The following SERPINE2 variants were observed in gnomAD, a reference collection of about 807,000 sequenced individuals.
SERPINE2 encodes glia-derived nexin.
Under a neutral mutation model 36.3 loss-of-function variants are expected in SERPINE2, and 14 were observed. The observed-to-expected ratio is 0.39, with a 90% CI of 0.25 to 0.60. The LOEUF (loss-of-function observed/expected upper bound fraction) is 0.60. Ranked by LOEUF, SERPINE2 falls within the 20% of genes least tolerant of loss-of-function variation. The pLI is 0.57. For missense variants in SERPINE2, 418 were observed against 499.6 expected (o/e 0.84, Z 1.56); for synonymous variants, 192 against 191.8 (o/e 1.00, Z -0.01).
intron 1 of SERPINE2, chr2:224,030,057 G>C (rs759667114): frequency 6.1e-5 from 60 of 985,288 alleles, no homozygotes; most frequent in African/African-American, 5.8e-4. Flanking sequence ...AAAGCAGCCA[G>C]CATGACAGGG....
chr2:224,021,085 G>A (rs1691982167), intron 1 of SERPINE2, among the ~76,000 whole-genome samples: 1 of 152,186 alleles, frequency 6.6e-6, no homozygotes, highest in Non-Finnish European at 1.5e-5. Context: ...AGGAAAAAGA[G>A]ACCATGGATA....
Position 223,994,437 on chromosome 2 carries a change from G to A in SERPINE2, c.488-2437C>T, listed in dbSNP as rs377704690. Among the ~76,000 whole-genome samples, 14 of 152,282 alleles carry A rather than the reference G, an allele frequency of 9.2e-5. No individual in the cohort carries two copies. In the East Asian group the frequency reaches 2.7e-3, roughly 29 times the overall value. ...GAGGCAAAGAGGCACATGGAAACCTGCCATCAGTAACTGCCACAGACATGC... is the reference window on the plus strand; with the variant it reads ...GAGGCAAAGAGGCACATGGAAACCTACCATCAGTAACTGCCACAGACATGC... On this transcript the variant is annotated intron_variant, in intron 3 of 8. Coordinates refer to ENST00000409304, the MANE Select transcript of SERPINE2 (RefSeq NM_001136528.2).
intron 1 of SERPINE2, among the ~76,000 whole-genome samples, chr2:224,008,781 G>C (rs1691515566): frequency 6.6e-6 from 1 of 152,188 alleles, no homozygotes; most frequent in Non-Finnish European, 1.5e-5. Context: ...GAAATGCTGA[G>C]CAACAGTGAT....
At chr2:224,015,352 A>AGGGC (rs1189051493) in intron 1 of SERPINE2, among the ~76,000 whole-genome samples, 47 of 152,316 alleles carry the variant, frequency 3.1e-4, no homozygotes, top group African/African-American at 1.1e-3. Flanking sequence ...GTGGCCAGGG[A>AGGGC]AGTGCTCCTG....
chr2:224,026,889 G>A (rs535935569), intron 1 of SERPINE2, among the ~76,000 whole-genome samples: 1 of 152,274 alleles, frequency 6.6e-6, no homozygotes, highest in African/African-American at 2.4e-5. Flanking sequence ...CTCTGTGAAG[G>A]AGTTACCTGT....
In SERPINE2 at chr2:224,019,376, A is replaced by G. The variant is rs1459987289; in HGVS notation, c.-22-17454T>C. Reference sequence around the variant, plus strand: ...ATGTACCAATTTTCAGACTGCAGGTAACTTAGGCCACCAATAAGGTGGAGA... The same window carrying G: ...ATGTACCAATTTTCAGACTGCAGGTGACTTAGGCCACCAATAAGGTGGAGA... On this transcript the variant is annotated intron_variant, in intron 1 of 8. Transcript: ENST00000409304. 2.6e-5 allele frequency among the ~76,000 whole-genome samples: 4 copies of G among 152,212 alleles called. No individual in the cohort carries two copies. In the East Asian group the frequency reaches 7.7e-4, roughly 29 times the overall value.
rs1691871319 is a variant in SERPINE2, at chr2:224,018,380, A to C, written c.-22-16458T>G. Among the ~76,000 whole-genome samples, 2 of 152,214 alleles carry C rather than the reference A, an allele frequency of 1.3e-5. 1 individual carries two copies. The highest frequency in any genetic ancestry group is 4.8e-5 in the African/African-American group (2 of 41,460). On this transcript the variant is annotated intron_variant, in intron 1 of 8. Coordinates refer to ENST00000409304, the MANE Select transcript of SERPINE2 (RefSeq NM_001136528.2). Reference sequence around the variant, plus strand: ...AGTGGTCAACACATTCCATGATAGAAGTCTAGAGTTTAGGCCAACTCTCAT... The same window carrying C: ...AGTGGTCAACACATTCCATGATAGACGTCTAGAGTTTAGGCCAACTCTCAT...
rs375575580 is a variant in SERPINE2, at chr2:224,001,455, C to T, written c.259+187G>A. The T allele has an allele frequency of 5.7e-5, 34 of 597,136 alleles. No individual in the cohort carries two copies. In the South Asian group the frequency reaches 7.4e-4, roughly 13 times the overall value. The allele number at this position is 597,136 out of a possible 1,614,324, so 37.0% of individuals were successfully genotyped here. ...ACAAAAAAGGGACCAGAGTCTAGTT[C>T]TCCTAACTGCCAGCACCACAGTGTT... On this transcript the variant is annotated intron_variant, in intron 2 of 8. Coordinates refer to ENST00000409304, the MANE Select transcript of SERPINE2 (RefSeq NM_001136528.2).
chr2:223,993,388 T>TTA (rs1690748269), intron 3 of SERPINE2, among the ~76,000 whole-genome samples: 1 of 152,200 alleles, frequency 6.6e-6, no homozygotes. Flanking sequence ...TATACAGTTA[T>TTA]TATACAGTTA....
At chr2:224,009,892 G>C (rs1395292185) in intron 1 of SERPINE2, among the ~76,000 whole-genome samples, 2 of 152,156 alleles carry the variant, frequency 1.3e-5, no homozygotes, top group Admixed American at 1.3e-4. Flanking sequence ...GGAGATTAAG[G>C]CTGTCTCTGT....
At chr2:223,992,553 C>T (rs1690718711) in intron 3 of SERPINE2, among the ~76,000 whole-genome samples, 1 of 152,088 alleles carries the variant, frequency 6.6e-6, no homozygotes, top group South Asian at 2.1e-4. Context: ...TTTGGAATCT[C>T]TGGGTATCAC....
At chr2:224,002,561 C>T (rs1251867421) in intron 1 of SERPINE2, among the ~76,000 whole-genome samples, 1 of 151,906 alleles carries the variant, frequency 6.6e-6, no homozygotes, top group African/African-American at 2.4e-5. Context: ...GGCGCAATCT[C>T]GGCTCACTGC....
At chr2:223,994,217 A>G (rs943171585) in intron 3 of SERPINE2, among the ~76,000 whole-genome samples, 1 of 152,124 alleles carries the variant, frequency 6.6e-6, no homozygotes, top group Non-Finnish European at 1.5e-5. Flanking sequence ...CTACACTGAG[A>G]CCTGCATGAG....
intron 6 of SERPINE2, chr2:223,981,524 G>A (rs1049367552): frequency 6.6e-6 from 1 of 152,258 alleles, no homozygotes; most frequent in Non-Finnish European, 1.5e-5. Context: ...ACGGCTATCA[G>A]AATATCCATG....
Position 224,039,208 on chromosome 2 carries a change from G to T in SERPINE2, c.-132C>A, listed in dbSNP as rs1443025028. On this transcript the variant is annotated 5_prime_UTR_variant, in exon 1 of 9. Transcript: ENST00000409304. The surrounding 1 kb of genome is among the most constrained non-coding windows in gnomAD (Gnocchi z 5.2). ...AGTCGGAGGACGCAGCCAAGCGGCG[G>T]CGGCGAGGAGGGTCACAGCCGGAAA... 6.6e-6 allele frequency: 1 copy of T among 151,102 alleles called. No individual in the cohort carries two copies. The highest frequency in any genetic ancestry group is 2.4e-5 in the African/African-American group (1 of 41,336). 9.4% of individuals were successfully genotyped at this position (151,102 alleles called of 1,614,324 possible). A position where few individuals can be genotyped will look rare whatever the true frequency, so the allele number is the denominator to read the frequency against.
chr2:223,991,720 T>C, intron 4 of SERPINE2, 83 bp downstream of exon 4: 1 of 1,378,574 alleles, frequency 7.3e-7, no homozygotes. Context: ...AAGTTAGATT[T>C]GCTCTGGAAT....
chr2:223,979,012 G>A (rs1232891319), intron 7 of SERPINE2: 1 of 152,116 alleles, frequency 6.6e-6, no homozygotes, highest in Non-Finnish European at 1.5e-5. Flanking sequence ...GAGATCCAGA[G>A]ATCTCAGGAG....
intron 5 of SERPINE2, among the ~76,000 whole-genome samples, chr2:223,984,074 CCA>C (rs1690333546): frequency 6.6e-6 from 1 of 151,998 alleles, no homozygotes; most frequent in African/African-American, 2.4e-5. Context: ...CTCTCCACTA[CCA>C]CCAAGACCTG....
At chr2:223,982,422 C>T (rs1030475762) in intron 6 of SERPINE2, 1 of 338,630 alleles carries the variant, frequency 3.0e-6, no homozygotes, top group South Asian at 3.5e-5. Flanking sequence ...GACTTCATCG[C>T]TATATAAACT....
Sources: gnomAD v4.1 joint callset for allele counts (sites outside exome capture counted in the v4.1 genomes callset) on GRCh38, gnomAD v4.1.1 for gene constraint, Gnocchi (gnomAD v3.1) non-coding constraint, MANE v1.5 for transcripts, NCBI Gene and HGNC (gene_info 2026-07-23, HGNC 2026-07-21) for gene names.